Variants in ADARB2 observed in about 807,000 individuals in gnomAD.
ADARB2 encodes the protein adenosine deaminase RNA specific B2 (inactive), also known as inactive double-stranded RNA-specific editase B2.
A neutral mutation model predicts 62.2 loss-of-function variants in ADARB2; 25 were observed. The ratio of observed to expected loss-of-function variants is 0.40; its 90% confidence interval spans 0.29 to 0.56. ADARB2 has a LOEUF of 0.56. Ranked by LOEUF, ADARB2 falls within the 20% of genes least tolerant of loss-of-function variation. The probability of loss-of-function intolerance (pLI) is 0.43; values close to 1 mark genes in which losing one functional copy is unlikely to be tolerated. For missense variants in ADARB2, 1,071 were observed against 1,077.4 expected (o/e 0.99, Z 0.08); for synonymous variants, 572 against 500.8 (o/e 1.14, Z -1.90).
At chr10:1,223,379 T>G (rs1038376749) in intron 6 of ADARB2, among the ~76,000 whole-genome samples, 2 of 152,190 alleles carry the variant, frequency 1.3e-5, no homozygotes. Flanking sequence ...CAATTTGACT[T>G]CCTCTTTTTC....
At chr10:1,723,557 G>A (rs916400941) in intron 1 of ADARB2, among the ~76,000 whole-genome samples, 4 of 152,196 alleles carry the variant, frequency 2.6e-5, no homozygotes, top group African/African-American at 9.7e-5. Context: ...CTCCCCATAA[G>A]AGAGTTATGA....
At chr10:1,648,838 T>C (rs1039937232) in intron 1 of ADARB2, among the ~76,000 whole-genome samples, 2 of 151,870 alleles carry the variant, frequency 1.3e-5, no homozygotes, top group South Asian at 4.2e-4. Context: ...GGCCATGGAG[T>C]CAGCACCACT....
chr10:1,318,428 G>A (rs1163190152), intron 3 of ADARB2, among the ~76,000 whole-genome samples: 2 of 152,240 alleles, frequency 1.3e-5, no homozygotes, highest in African/African-American at 4.8e-5. Context: ...CCGGAGGGAT[G>A]TGGGAAAGCC....
At chr10:1,666,343 C>T (rs78353348) in intron 1 of ADARB2, among the ~76,000 whole-genome samples, 1,867 of 152,320 alleles carry the variant, frequency 0.012, 19 homozygotes, top group East Asian at 0.045. Context: ...TCTCCTGGGC[C>T]GCAGCTCATC....
At chr10:1,708,124 G>A (rs980889775) in intron 1 of ADARB2, among the ~76,000 whole-genome samples, 2 of 152,200 alleles carry the variant, frequency 1.3e-5, no homozygotes, top group Non-Finnish European at 2.9e-5. Context: ...GCTCTGCTCC[G>A]TGCGGGCTGC....
intron 3 of ADARB2, among the ~76,000 whole-genome samples, chr10:1,286,783 C>T (rs537099644): frequency 6.6e-5 from 10 of 152,142 alleles, no homozygotes; most frequent in Non-Finnish European, 8.8e-5. Context: ...TCGTCTCTTC[C>T]GTAGGAACAG....
At chr10:1,714,327 C>T (rs58429343) in intron 1 of ADARB2, among the ~76,000 whole-genome samples, 1 of 152,328 alleles carries the variant, frequency 6.6e-6, no homozygotes, top group East Asian at 1.9e-4. Flanking sequence ...GGAATTTAGG[C>T]ACCATGTATT....
intron 1 of ADARB2, among the ~76,000 whole-genome samples, chr10:1,593,232 T>A (rs111471568): frequency 2.2e-5 from 3 of 134,870 alleles, no homozygotes; most frequent in African/African-American, 5.9e-5. Flanking sequence ...ATAGGTCTCC[T>A]CTCTGGCATG....
intron 1 of ADARB2, among the ~76,000 whole-genome samples, chr10:1,445,979 C>T (rs1313294891): frequency 6.6e-6 from 1 of 152,176 alleles, no homozygotes; most frequent in African/African-American, 2.4e-5. Flanking sequence ...CAAAGTGAGA[C>T]TACATAAACT....
chr10:1,329,584 T>G (rs1831908401), intron 3 of ADARB2, among the ~76,000 whole-genome samples: 1 of 152,188 alleles, frequency 6.6e-6, no homozygotes, highest in Non-Finnish European at 1.5e-5. Context: ...TTCTGCCCCA[T>G]CAGCTCCCCT....
At chr10:1,490,886 C>T (rs1039444556) in intron 1 of ADARB2, among the ~76,000 whole-genome samples, 9 of 152,118 alleles carry the variant, frequency 5.9e-5, no homozygotes, top group South Asian at 2.1e-4. Flanking sequence ...GAACTACATA[C>T]GTCAGCAGAT....
intron 1 of ADARB2, among the ~76,000 whole-genome samples, chr10:1,402,450 G>C (rs2805522): frequency 1.3e-5 from 2 of 152,234 alleles, no homozygotes; most frequent in Non-Finnish European, 2.9e-5. Flanking sequence ...GAATTGGTGC[G>C]TGGTTAGCAT....
intron 1 of ADARB2, among the ~76,000 whole-genome samples, chr10:1,670,071 A>T (rs1443784048): frequency 2.0e-5 from 3 of 152,222 alleles, no homozygotes; most frequent in Non-Finnish European, 2.9e-5. Flanking sequence ...GGCCTTCATG[A>T]AGCCTCCCAG....
At chr10:1,452,652 G>T (rs1158065674) in intron 1 of ADARB2, among the ~76,000 whole-genome samples, 1 of 150,902 alleles carries the variant, frequency 6.6e-6, no homozygotes, top group Non-Finnish European at 1.5e-5. Flanking sequence ...GGCCTGTTGG[G>T]GGGTTGGGGG....
chr10:1,551,476 G>A (rs1269103047), intron 1 of ADARB2, among the ~76,000 whole-genome samples: 2 of 152,214 alleles, frequency 1.3e-5, no homozygotes, highest in Non-Finnish European at 2.9e-5. Context: ...AGGCAGGCTC[G>A]AGCAGGACTG....
At chr10:1,605,122 A>C (rs1833478966) in intron 1 of ADARB2, among the ~76,000 whole-genome samples, 1 of 152,240 alleles carries the variant, frequency 6.6e-6, no homozygotes, top group Admixed American at 6.5e-5. Context: ...AGCCAGACCG[A>C]AAAAGCTGTT....
At chr10:1,267,435 T>C (rs573647614) in intron 4 of ADARB2, among the ~76,000 whole-genome samples, 5 of 152,228 alleles carry the variant, frequency 3.3e-5, no homozygotes, top group South Asian at 2.1e-4. Flanking sequence ...AGGAAGACAA[T>C]GATTCCGGAG....
chr10:1,326,050 C>G (rs181300462), intron 3 of ADARB2, among the ~76,000 whole-genome samples: 79 of 152,316 alleles, frequency 5.2e-4, no homozygotes, highest in Admixed American at 8.5e-4. Context: ...AAAGTTAAAA[C>G]AGTAGATATG....
rs373543019 is a variant in ADARB2 at position 1,616,603 on chromosome 10, G to A, written c.100+120448C>T. Reference sequence around the variant, plus strand: ...GCTGTGCTCTGCATCCTGGGAACTGGCCTCAGAGGGTTGCATTCTGTCGCT... The same window carrying A: ...GCTGTGCTCTGCATCCTGGGAACTGACCTCAGAGGGTTGCATTCTGTCGCT... On this transcript the variant is annotated intron_variant, in intron 1 of 9. Coordinates refer to ENST00000381312, the MANE Select transcript of ADARB2 (RefSeq NM_018702.4). Among the ~76,000 whole-genome samples the A allele has an allele frequency of 7.9e-3, 956 of 120,902 alleles. 10 individuals carry two copies. Among genetic ancestry groups the A allele is most frequent in the Middle Eastern group, 0.031 (5 of 162 alleles). 79.3% of individuals were successfully genotyped at this position (120,902 alleles called of 152,430 possible).
Sources: allele counts gnomAD v4.1 joint callset (sites outside exome capture counted in the v4.1 genomes callset), GRCh38; gene constraint gnomAD v4.1.1; transcripts MANE v1.5; gene names NCBI Gene and HGNC (gene_info 2026-07-23, HGNC 2026-07-21).